Variants in FARS2 observed in about 807,000 individuals in gnomAD.
The protein encoded by FARS2 is phenylalanine--tRNA ligase, mitochondrial.
FARS2 carries 40 observed loss-of-function variants against 46.4 expected under a neutral mutation model. The ratio of observed to expected loss-of-function variants is 0.86; its 90% CI spans 0.67 to 1.12. The LOEUF (loss-of-function observed/expected upper bound fraction) is 1.12, where lower values mean the gene tolerates loss of function less well. FARS2 is among the 50% of genes most tolerant of loss of function. The pLI, the probability that FARS2 is intolerant of heterozygous loss-of-function variation, is 0.00. For synonymous variants in FARS2, 234 were observed against 214.9 expected, an observed-to-expected ratio of 1.09 and a Z score of -0.78; for missense variants, 513 against 567.9, an observed-to-expected ratio of 0.90 and a Z score of 0.98.
intron 1 of FARS2, among the ~76,000 whole-genome samples, chr6:5,324,863 C>A (rs563085414): frequency 6.6e-6 from 1 of 152,044 alleles, no homozygotes; most frequent in Non-Finnish European, 1.5e-5. Flanking sequence ...GGCTGTCCAC[C>A]AAGAACAGAT....
chr6:5,589,222 G>T (rs1773785568), intron 5 of FARS2, among the ~76,000 whole-genome samples: 1 of 152,188 alleles, frequency 6.6e-6, no homozygotes, highest in African/African-American at 2.4e-5. Flanking sequence ...CAGTTCGGCT[G>T]CTTCCTAACT....
chr6:5,752,608 T>C (rs1222303103), intron 6 of FARS2, among the ~76,000 whole-genome samples: 1 of 152,200 alleles, frequency 6.6e-6, no homozygotes, highest in Non-Finnish European at 1.5e-5. Context: ...ACAGACGGGT[T>C]CTGCGATGAG....
In FARS2 at chr6:5,761,842, AC is replaced by A. The variant is rs1171366423; in HGVS notation, c.1218-9448del. Among the ~76,000 whole-genome samples, 5 of 151,718 alleles carry A rather than the reference AC, an allele frequency of 3.3e-5. No homozygotes were observed. In the East Asian group the frequency reaches 9.6e-4, roughly 29 times the overall value. ...AAAAAAAAAAAAGAGGCATTTGTAT[AC>A]AATGCAAGGTATCTTCATTGCTAAG... On this transcript the variant is annotated intron_variant, in intron 6 of 6. Transcript: ENST00000274680.
At chr6:5,402,778 C>T (rs1033468418) in intron 2 of FARS2, among the ~76,000 whole-genome samples, 4 of 152,128 alleles carry the variant, frequency 2.6e-5, no homozygotes, top group African/African-American at 9.7e-5. Context: ...CCTCTCACTT[C>T]AAATTGGGCA....
At position 5,691,846 on chromosome 6, in the gene FARS2, C is replaced by T. The variant is rs970003833; in HGVS notation, c.1217+78526C>T. 2.0e-4 allele frequency among the ~76,000 whole-genome samples: 31 copies of T among 152,196 alleles called. 1 individual carries two copies. Among genetic ancestry groups the T allele is most frequent in the Non-Finnish European group, 2.9e-5 (2 of 68,026 alleles). ...TGCAGTGGGCTCCACCCAGTTCGAG[C>T]TTCCTGGCCGCTTTGTTTACCTACT... is the stretch of plus-strand genomic sequence containing the variant. On this transcript the variant is annotated intron_variant, in intron 6 of 6. Transcript: ENST00000274680.
At chr6:5,276,158 A>T (rs555276069) in intron 1 of FARS2, among the ~76,000 whole-genome samples, 8 of 152,276 alleles carry the variant, frequency 5.3e-5, no homozygotes, top group Admixed American at 3.9e-4. Context: ...TTTAAAATAA[A>T]TTTTTTAGTT....
At chr6:5,304,085 T>A (rs1312793205) in intron 1 of FARS2, among the ~76,000 whole-genome samples, 1 of 152,170 alleles carries the variant, frequency 6.6e-6, no homozygotes, top group East Asian at 1.9e-4. Context: ...CATTTTTAAA[T>A]AAAAGATTAT....
intron 5 of FARS2, among the ~76,000 whole-genome samples, chr6:5,603,422 G>A (rs960554943): frequency 6.6e-6 from 1 of 152,178 alleles, no homozygotes; most frequent in Non-Finnish European, 1.5e-5. Context: ...ACAAAGGGCG[G>A]GTATGTTAGT....
chr6:5,417,624 T>C (rs769948969), intron 3 of FARS2, among the ~76,000 whole-genome samples: 5 of 152,238 alleles, frequency 3.3e-5, no homozygotes, highest in African/African-American at 4.8e-5. Flanking sequence ...TCTTTGTTTT[T>C]CTGTACATAA....
At chr6:5,387,841 A>G (rs1760235513) in intron 2 of FARS2, among the ~76,000 whole-genome samples, 1 of 152,236 alleles carries the variant, frequency 6.6e-6, no homozygotes. Context: ...ATCTGTCTAT[A>G]GCATGCTGAA....
At chr6:5,568,353 C>G (rs1022980380) in intron 5 of FARS2, among the ~76,000 whole-genome samples, 1 of 152,170 alleles carries the variant, frequency 6.6e-6, no homozygotes, top group African/African-American at 2.4e-5. Flanking sequence ...TTATCCCAAA[C>G]ACAAGAGCGT....
chr6:5,259,299 C>A (rs992001170), upstream of FARS2, among the ~76,000 whole-genome samples: 4 of 152,304 alleles, frequency 2.6e-5, no homozygotes, highest in Middle Eastern at 6.8e-3. Context: ...CCTCAACAGA[C>A]TTGGTTAAGT....
chr6:5,437,793 T>C (rs902848840), intron 4 of FARS2, among the ~76,000 whole-genome samples: 1 of 152,130 alleles, frequency 6.6e-6, no homozygotes, highest in Non-Finnish European at 1.5e-5. Context: ...TTTTAAAAAA[T>C]TAAGAGGAAA....
At chr6:5,381,406 T>TATAC (rs1759778382) in intron 2 of FARS2, among the ~76,000 whole-genome samples, 1 of 115,320 alleles carries the variant, frequency 8.7e-6, no homozygotes, top group Non-Finnish European at 1.8e-5. Flanking sequence ...CACACACACA[T>TATAC]ACACACACAC....
chr6:5,334,998 A>T (rs1394572848), intron 1 of FARS2, among the ~76,000 whole-genome samples: 2 of 152,108 alleles, frequency 1.3e-5, no homozygotes, highest in Admixed American at 1.3e-4. Flanking sequence ...TAAGGTTGGG[A>T]TCTGATATTT....
At chr6:5,706,243 T>G (rs755506897) in intron 6 of FARS2, among the ~76,000 whole-genome samples, 1 of 152,158 alleles carries the variant, frequency 6.6e-6, no homozygotes, top group African/African-American at 2.4e-5. Context: ...TTATGCTCAC[T>G]CACCCAACCC....
chr6:5,643,982 A>G (rs1378407405), intron 6 of FARS2, among the ~76,000 whole-genome samples: 2 of 152,166 alleles, frequency 1.3e-5, no homozygotes, highest in African/African-American at 4.8e-5. Context: ...CCCACGAGAA[A>G]GAGTTTCCAA....
chr6:5,738,759 C>G (rs1173387088), intron 6 of FARS2, among the ~76,000 whole-genome samples: 2 of 129,278 alleles, frequency 1.5e-5, no homozygotes, highest in African/African-American at 6.6e-5. Context: ...AAACTTAACA[C>G]AGACCATACA....
At chr6:5,617,221 A>T (rs993539459) in intron 6 of FARS2, among the ~76,000 whole-genome samples, 1 of 152,268 alleles carries the variant, frequency 6.6e-6, no homozygotes, top group African/African-American at 2.4e-5. Flanking sequence ...TGACCTGCTA[A>T]AAGGTGAACT....
Sources: allele counts gnomAD v4.1 joint callset (sites outside exome capture counted in the v4.1 genomes callset), GRCh38; gene constraint gnomAD v4.1.1; transcripts MANE v1.5; gene names NCBI Gene and HGNC (gene_info 2026-07-23, HGNC 2026-07-21).